The following TMEM72 variants were observed in gnomAD, a reference collection of about 807,000 sequenced individuals.
TMEM72 encodes kidney-specific secretory protein of 37 kDa.
In TMEM72, 9 loss-of-function variants were observed where a neutral mutation model predicts 16.3. That is an observed-to-expected ratio of 0.55 (90% CI 0.33 to 0.96). TMEM72 has a LOEUF of 0.96. Ranked by LOEUF, TMEM72 falls within the 40% of genes least tolerant of loss-of-function variation. The probability of loss-of-function intolerance (pLI) is 0.03; values close to 1 mark genes in which losing one functional copy is unlikely to be tolerated. For missense variants in TMEM72, 324 were observed against 337.8 expected, an observed-to-expected ratio of 0.96 and a Z score of 0.32; for synonymous variants, 160 against 146.5, an observed-to-expected ratio of 1.09 and a Z score of -0.66.
intron 1 of TMEM72, among the ~76,000 whole-genome samples, chr10:44,926,528 G>A (rs956424905): frequency 5.9e-5 from 9 of 152,172 alleles, no homozygotes; most frequent in Non-Finnish European, 1.2e-4. Flanking sequence ...CACTGCAGGG[G>A]GATGTGGCCC....
At chr10:44,933,869 C>T in intron 4 of TMEM72, 93 bp downstream of exon 4, 1 of 1,442,112 alleles carries the variant, frequency 6.9e-7, no homozygotes, top group African/African-American at 1.4e-5. Context: ...CCAGTGGTGG[C>T]TCCAGGGACC....
chr10:44,921,833 G>A (rs1374755750), intron 1 of TMEM72, among the ~76,000 whole-genome samples: 2 of 152,222 alleles, frequency 1.3e-5, no homozygotes, highest in African/African-American at 4.8e-5. Context: ...ACCACTCTCA[G>A]GGCCCACGAA....
chr10:44,927,819 TCC>T, intron 1 of TMEM72, 100 bp from the exon 2 acceptor site: 1 of 1,230,002 alleles, frequency 8.1e-7, no homozygotes. Context: ...TGGCTGTCAG[TCC>T]CCAGGAAGAA....
chr10:44,931,232 A>G (rs1297141153), intron 2 of TMEM72, among the ~76,000 whole-genome samples: 2 of 152,202 alleles, frequency 1.3e-5, no homozygotes, highest in Non-Finnish European at 2.9e-5. Flanking sequence ...AACATGGAGG[A>G]TAGGCAGTGA....
chr10:44,923,315 T>TTTC, intron 1 of TMEM72: 1 of 145,626 alleles, frequency 6.9e-6, no homozygotes, highest in East Asian at 2.0e-4. Context: ...CTCTCTCTTT[T>TTTC]TCTCTCTCTC....
At chr10:44,914,353 A>G (rs1437557945) in intron 1 of TMEM72, among the ~76,000 whole-genome samples, 1 of 152,256 alleles carries the variant, frequency 6.6e-6, no homozygotes, top group African/African-American at 2.4e-5. Context: ...TTTCCAGGAC[A>G]TAACAGACCA....
chr10:44,932,663 C>T (rs980970284), intron 3 of TMEM72, among the ~76,000 whole-genome samples: 1 of 152,158 alleles, frequency 6.6e-6, no homozygotes, highest in Admixed American at 6.5e-5. Context: ...AGTGAGAGAG[C>T]CAGTCTTCAG....
At chr10:44,933,507 G>A in intron 3 of TMEM72, 130 bp from the exon 4 acceptor site, 1 of 1,275,234 alleles carries the variant, frequency 7.8e-7, no homozygotes, top group East Asian at 2.4e-5. Context: ...AGGACCGCTA[G>A]GGCTTTCTGT....
At chr10:44,918,859 G>A (rs1840050380) in intron 1 of TMEM72, among the ~76,000 whole-genome samples, 1 of 151,776 alleles carries the variant, frequency 6.6e-6, no homozygotes, top group South Asian at 2.1e-4. Flanking sequence ...ACAATGTGCG[G>A]TAACAGTGAG....
chr10:44,927,881 G>C (rs777499485), intron 1 of TMEM72, 40 bp from the exon 2 acceptor site: 14 of 1,595,542 alleles, frequency 8.8e-6, no homozygotes, highest in Admixed American at 3.4e-5. Flanking sequence ...CTGTGGTGTA[G>C]AGCACCAGGC....
rs1184837087 is a variant in TMEM72, at chr10:44,915,481, T to C, written c.70+3899T>C. ...ACACCAGGAAGCAAGAAGACAAAGTTCCACCTGATGATGGTCTGCTCCTGA... is the reference window on the plus strand; with the variant it reads ...ACACCAGGAAGCAAGAAGACAAAGTCCCACCTGATGATGGTCTGCTCCTGA... On this transcript the variant is annotated intron_variant, in intron 1 of 4. Transcript: ENST00000389583. Among the ~76,000 whole-genome samples the C allele has an allele frequency of 1.3e-5, 2 of 152,036 alleles. 1 individual carries two copies. Among genetic ancestry groups the C allele is most frequent in the African/African-American group, 4.8e-5 (2 of 41,338 alleles).
Position 44,917,474 on chromosome 10 carries a change from T to C in TMEM72, c.70+5892T>C, listed in dbSNP as rs1478677308. ...CTGGGAAACATTTCCCATCACATTC[T>C]GAGCTTGGGTTGTGAAGATCAGCCC... is the stretch of plus-strand genomic sequence containing the variant. On this transcript the variant is annotated intron_variant, in intron 1 of 4. Coordinates refer to ENST00000389583, the MANE Select transcript of TMEM72 (RefSeq NM_001123376.3). 2.0e-5 allele frequency among the ~76,000 whole-genome samples: 3 copies of C among 152,140 alleles called. No individual in the cohort carries two copies. The East Asian group carries it at 5.8e-4, about 29-fold the overall frequency.
chr10:44,918,466 C>G (rs76560447), intron 1 of TMEM72, among the ~76,000 whole-genome samples: 1 of 152,146 alleles, frequency 6.6e-6, no homozygotes, highest in Admixed American at 6.5e-5. Context: ...GGAGGCAATA[C>G]TTCTCAACTC....
intron 1 of TMEM72, among the ~76,000 whole-genome samples, chr10:44,926,136 C>G (rs1564436157): frequency 6.6e-6 from 1 of 152,058 alleles, no homozygotes; most frequent in Non-Finnish European, 1.5e-5. Flanking sequence ...TACACTCACA[C>G]ACTCACATAT....
chr10:44,927,346 T>C (rs948933760), intron 1 of TMEM72, among the ~76,000 whole-genome samples: 16 of 152,122 alleles, frequency 1.1e-4, no homozygotes, highest in African/African-American at 3.9e-4. Flanking sequence ...CAGCACTAAC[T>C]GCCAAGAAAG....
chr10:44,914,830 G>T (rs967459842), intron 1 of TMEM72, among the ~76,000 whole-genome samples: 27 of 152,344 alleles, frequency 1.8e-4, no homozygotes, highest in African/African-American at 6.5e-4. Context: ...ATTGGTCCCA[G>T]TTGCAGGCTA....
At chr10:44,932,353 G>A (rs748032068) in intron 3 of TMEM72, among the ~76,000 whole-genome samples, 13 of 152,210 alleles carry the variant, frequency 8.5e-5, no homozygotes, top group Non-Finnish European at 1.8e-4. Context: ...CCCTCACCAG[G>A]AGCAGCCAGT....
At position 44,911,392 on chromosome 10, in the gene TMEM72, A is replaced by G. The variant is rs1248250726; in HGVS notation, c.-121A>G. ...GTGGCCAGGACTGGTTTGGGAAGGC[A>G]GGGCCCCGGTGTGCAGCCACAGCCA... is the stretch of plus-strand genomic sequence containing the variant. On this transcript the variant is annotated 5_prime_UTR_variant, in exon 1 of 5. Coordinates refer to ENST00000389583, the MANE Select transcript of TMEM72 (RefSeq NM_001123376.3). 8.7e-6 allele frequency: 9 copies of G among 1,031,072 alleles called. No individual in the cohort carries two copies. The highest frequency in any genetic ancestry group is 1.1e-5 in the Non-Finnish European group (8 of 708,826). 63.9% of individuals were successfully genotyped at this position (1,031,072 alleles called of 1,614,324 possible). A position where few individuals can be genotyped will look rare whatever the true frequency, so the allele number is the denominator to read the frequency against.
intron 1 of TMEM72, among the ~76,000 whole-genome samples, chr10:44,926,280 G>C (rs1440772431): frequency 6.6e-6 from 1 of 152,170 alleles, no homozygotes; most frequent in Non-Finnish European, 1.5e-5. Context: ...AAAGCAGTGG[G>C]TAGCAGGAAA....
Sources: gnomAD v4.1 joint callset for allele counts (sites outside exome capture counted in the v4.1 genomes callset) on GRCh38, gnomAD v4.1.1 for gene constraint, MANE v1.5 for transcripts, NCBI Gene and HGNC (gene_info 2026-07-23, HGNC 2026-07-21) for gene names.